Variants in DENND4C observed in about 807,000 individuals in gnomAD.
DENND4C encodes DENN domain containing 4C.
DENND4C carries 108 observed loss-of-function variants against 203.0 expected under a neutral mutation model. That is an observed-to-expected ratio of 0.53 (90% confidence interval 0.46 to 0.62). DENND4C has a LOEUF of 0.62. DENND4C is among the 20% of genes least tolerant of loss of function. The pLI is 0.00. For missense variants in DENND4C, 2,481 were observed against 2,301.2 expected (o/e 1.08, Z -1.60); for synonymous variants, 871 against 792.4 (o/e 1.10, Z -1.67).
intron 1 of DENND4C, among the ~76,000 whole-genome samples, chr9:19,261,012 G>A (rs1271305766): frequency 2.0e-5 from 3 of 152,078 alleles, no homozygotes; most frequent in Non-Finnish European, 4.4e-5. Flanking sequence ...TTAGACTTAA[G>A]TATTTGTCTT....
intron 10 of DENND4C, among the ~76,000 whole-genome samples, chr9:19,307,852 C>T (rs1295677085): frequency 6.6e-6 from 1 of 151,694 alleles, no homozygotes; most frequent in Non-Finnish European, 1.5e-5. Flanking sequence ...GCTCCTTTCT[C>T]CCAGAGAGGA....
At position 19,357,969 on chromosome 9, in the gene DENND4C, G is replaced by A. The variant is rs369311772; in HGVS notation, c.4969G>A (p.Glu1657Lys). ...TCTTCTATATTTATTTTTAAGTGAT[G>A]AAATAAAGAGAGCCAGTGGAGATGT... ...ETGSAVEPSD[E>K]IKRASGDVQT... Residue 1657 changes from glutamate (E) to lysine (K), a missense_variant, in exon 28 of 33, where the codon GAA becomes AAA. Glu to Lys is a moderately conservative substitution (Grantham distance 56). This residue lies in a region of DENND4C where 2,289 missense variants were observed against 2,113.3 expected (regional missense o/e 1.08). Transcript: ENST00000434457. The A allele has an allele frequency of 2.2e-5, 35 of 1,600,370 alleles. No individual in the cohort carries two copies. The highest frequency in any genetic ancestry group is 2.7e-5 in the Non-Finnish European group (32 of 1,171,412).
intron 1 of DENND4C, among the ~76,000 whole-genome samples, chr9:19,260,731 A>C (rs1442065503): frequency 6.6e-6 from 1 of 152,150 alleles, no homozygotes; most frequent in East Asian, 1.9e-4. Context: ...TCAAATGGAT[A>C]GTTTGCAAAT....
chr9:19,289,599 C>T (rs7038723), intron 4 of DENND4C, among the ~76,000 whole-genome samples: 3,267 of 152,090 alleles, frequency 0.021, 124 homozygotes, highest in African/African-American at 0.074. Flanking sequence ...GAGAGTGAGG[C>T]GGGCAGATCG....
At chr9:19,361,738 G>A in intron 29 of DENND4C, 108 bp from the exon 30 acceptor site, 1 of 575,064 alleles carries the variant, frequency 1.7e-6, no homozygotes, top group Admixed American at 3.0e-5. Context: ...CTGAATTTTA[G>A]GTCCAGAATT....
intron 1 of DENND4C, among the ~76,000 whole-genome samples, chr9:19,252,480 G>T (rs999467172): frequency 6.6e-6 from 1 of 152,134 alleles, no homozygotes; most frequent in Non-Finnish European, 1.5e-5. Context: ...TCATCAGGAG[G>T]CTGAAATGGG....
chr9:19,237,062 C>G (rs1374186451), intron 1 of DENND4C, among the ~76,000 whole-genome samples: 1 of 152,124 alleles, frequency 6.6e-6, no homozygotes, highest in African/African-American at 2.4e-5. Flanking sequence ...CTCTTGTTGC[C>G]CGGGCTGGAG....
chr9:19,243,621 C>A (rs1824339378), intron 1 of DENND4C, among the ~76,000 whole-genome samples: 1 of 152,120 alleles, frequency 6.6e-6, no homozygotes. Flanking sequence ...AATGTGTGAC[C>A]TTTTGTGTCC....
At position 19,290,826 on chromosome 9, in the gene DENND4C, C is replaced by G; in HGVS notation, c.751C>G (p.Pro251Ala). 6.2e-7 allele frequency: 1 copy of G among 1,613,620 alleles called. No individual in the cohort carries two copies. The highest frequency in any genetic ancestry group is 8.5e-7 in the Non-Finnish European group (1 of 1,179,754). ...IECWDPETKY[P>A]LPVFSTFVLT... ...GTGCTGGGATCCTGAAACCAAATAT[C>G]CACTTCCAGTTTTTTCAACTTTTGT... Residue 251 changes from proline (P) to alanine (A), a missense_variant, in exon 5 of 33, where the codon CCA becomes GCA. Coordinates refer to ENST00000434457, the MANE Select transcript of DENND4C (RefSeq NM_001330640.2).
intron 5 of DENND4C, among the ~76,000 whole-genome samples, chr9:19,295,298 G>T (rs1162964143): frequency 6.6e-6 from 1 of 152,224 alleles, no homozygotes; most frequent in African/African-American, 2.4e-5. Context: ...GAGGTCAGGA[G>T]ATCGAGACCA....
At chr9:19,356,499 A>G (rs1825424656) in intron 26 of DENND4C, among the ~76,000 whole-genome samples, 1 of 152,154 alleles carries the variant, frequency 6.6e-6, no homozygotes, top group African/African-American at 2.4e-5. Flanking sequence ...AAATAAAACA[A>G]TGAACAGAGA....
chr9:19,342,313 C>A (rs1214001366), intron 21 of DENND4C, among the ~76,000 whole-genome samples: 1 of 151,980 alleles, frequency 6.6e-6, no homozygotes, highest in Non-Finnish European at 1.5e-5. Flanking sequence ...ATTTTATACT[C>A]CAGAGTTATG....
intron 1 of DENND4C, among the ~76,000 whole-genome samples, chr9:19,235,810 C>T (rs1043353267): frequency 6.6e-6 from 1 of 151,904 alleles, no homozygotes; most frequent in Non-Finnish European, 1.5e-5. Context: ...TGGGGTTTCA[C>T]CGTGGTCTCG....
At chr9:19,314,696 C>A (rs768288726) in intron 10 of DENND4C, among the ~76,000 whole-genome samples, 3 of 151,640 alleles carry the variant, frequency 2.0e-5, no homozygotes, top group African/African-American at 7.2e-5. Flanking sequence ...AAAAATAATA[C>A]AAAATAGAAC....
intron 12 of DENND4C, among the ~76,000 whole-genome samples, chr9:19,321,921 G>A (rs545071934): frequency 6.6e-6 from 1 of 151,964 alleles, no homozygotes; most frequent in African/African-American, 2.4e-5. Flanking sequence ...GAAGTCATGT[G>A]ATGGTTTGTC....
intron 2 of DENND4C, among the ~76,000 whole-genome samples, chr9:19,279,941 T>C (rs2130972370): frequency 6.6e-6 from 1 of 152,170 alleles, no homozygotes; most frequent in East Asian, 1.9e-4. Context: ...TTAACCTTCC[T>C]CTCAGGGAAT....
chr9:19,301,935 CA>C (rs1466251684), intron 9 of DENND4C, among the ~76,000 whole-genome samples: 1 of 151,808 alleles, frequency 6.6e-6, no homozygotes, highest in Non-Finnish European at 1.5e-5. Context: ...GACTCCGTCT[CA>C]AAAAAAATAA....
At chr9:19,356,950 T>C (rs933897898) in intron 26 of DENND4C, 22 bp from the exon 27 acceptor site, 10 of 1,604,832 alleles carry the variant, frequency 6.2e-6, no homozygotes, top group African/African-American at 4.0e-5. Flanking sequence ...AAGGCTCTTT[T>C]TCCCCCCTTT....
rs1371705374 is a variant in DENND4C at position 19,326,181 on chromosome 9, T to C, written c.2107T>C (p.Ser703Pro). The C allele has an allele frequency of 1.9e-6, 3 of 1,611,820 alleles. No homozygotes were observed. The highest frequency in any genetic ancestry group is 1.1e-5 in the South Asian group (1 of 90,402). The change falls in exon 15 of 33, where the codon TCA becomes CCA. Residue 703 changes from serine to proline, a missense_variant. Around this residue, in one of 3 missense-constraint regions of DENND4C, gnomAD observed 2,289 missense variants for 2,113.3 expected, o/e 1.08. Coordinates refer to ENST00000434457, the MANE Select transcript of DENND4C (RefSeq NM_001330640.2). Reference sequence around the variant, plus strand: ...ACCTCCTGATGATGGAAAGGACCTGTCACCAAAGTACAGGTAGTAGGAAGT... The same window carrying C: ...ACCTCCTGATGATGGAAAGGACCTGCCACCAAAGTACAGGTAGTAGGAAGT... ...EPPPDDGKDL[S>P]PKYSYKYFPR...
Sources: gnomAD v4.1 joint callset for allele counts (sites outside exome capture counted in the v4.1 genomes callset) on GRCh38, gnomAD v4.1.1 for gene constraint, gnomAD v4.1.1 regional missense constraint, MANE v1.5 for transcripts, NCBI Gene and HGNC (gene_info 2026-07-23, HGNC 2026-07-21) for gene names.